Variants in GAS7 observed in about 807,000 individuals in gnomAD.
GAS7 encodes the protein growth arrest-specific protein 7.
Under a neutral mutation model 71.1 loss-of-function variants are expected in GAS7, and 28 were observed. That is an observed-to-expected ratio of 0.39 (90% confidence interval 0.29 to 0.54). The LOEUF (loss-of-function observed/expected upper bound fraction) is 0.54, where lower values mean the gene tolerates loss of function less well. Among genes scored for constraint, GAS7 ranks in the 20% least tolerant of loss-of-function variants. The probability of loss-of-function intolerance (pLI) is 0.62; values close to 1 mark genes in which losing one functional copy is unlikely to be tolerated. For synonymous variants in GAS7, 258 were observed against 245.8 expected (o/e 1.05, Z -0.46); for missense variants, 436 against 627.8 (o/e 0.69, Z 3.27).
At chr17:9,947,401 T>C (rs576281250) in intron 5 of GAS7, among the ~76,000 whole-genome samples, 22 of 152,250 alleles carry the variant, frequency 1.4e-4, no homozygotes, top group African/African-American at 4.6e-4. Flanking sequence ...AAGTATGAGA[T>C]AGACATCTAT....
Position 10,135,374 on chromosome 17 carries a change from G to C in GAS7, c.183+62834C>G, listed in dbSNP as rs912513172. Among the ~76,000 whole-genome samples, 15 of 152,262 alleles carry C rather than the reference G, an allele frequency of 9.9e-5. 2 individuals are homozygous for C. The highest frequency in any genetic ancestry group is 6.5e-4 in the Admixed American group (10 of 15,288). The stretch of plus-strand genomic sequence containing the variant: ...GCTGGGTGTCCAAGGCCCACCTCCA[G>C]AGTCAAGTCCCACCTTCTGCTTCAA... On this transcript the variant is annotated intron_variant, in intron 1 of 13. Transcript: ENST00000432992.
At position 9,972,170 on chromosome 17, in the gene GAS7, G is replaced by A. The variant is rs139500688; in HGVS notation, c.386-2408C>T. ...ACAACAAATCCACCCTGCAGGGCCA[G>A]CTACAAGCCTGGGCCACACCCACAT... On this transcript the variant is annotated intron_variant, in intron 3 of 13. Transcript: ENST00000432992. 9.8e-3 allele frequency among the ~76,000 whole-genome samples: 1,494 copies of A among 152,330 alleles called. 11 individuals are homozygous for A. The highest frequency in any genetic ancestry group is 0.027 in the Middle Eastern group (8 of 294).
chr17:10,186,625 C>T lies in GAS7; in HGVS notation c.183+11583G>A, dbSNP rs149066632. On this transcript the variant is annotated intron_variant, in intron 1 of 13. Coordinates refer to ENST00000432992, the MANE Select transcript of GAS7 (RefSeq NM_201433.2). ...TTCACCACATTGGCCAGGCTGGTCTCGAACTACTGACCTCAGATAATCCAC... is the reference window on the plus strand; with the variant it reads ...TTCACCACATTGGCCAGGCTGGTCTTGAACTACTGACCTCAGATAATCCAC... Among the ~76,000 whole-genome samples the T allele has an allele frequency of 2.6e-3, 394 of 152,130 alleles. 1 individual carries two copies. Among genetic ancestry groups the T allele is most frequent in the African/African-American group, 9.1e-3 (378 of 41,494 alleles).
At chr17:10,035,547 T>A (rs1305300443) in intron 1 of GAS7, among the ~76,000 whole-genome samples, 1 of 152,086 alleles carries the variant, frequency 6.6e-6, no homozygotes. Context: ...CATGCCAGAA[T>A]CAGAGATGCT....
At chr17:10,094,555 G>GC (rs2073621430) in intron 1 of GAS7, among the ~76,000 whole-genome samples, 1 of 151,510 alleles carries the variant, frequency 6.6e-6, no homozygotes, top group South Asian at 2.1e-4. Flanking sequence ...TGCAACCTCC[G>GC]CCTCCTGGAT....
intron 2 of GAS7, among the ~76,000 whole-genome samples, chr17:10,005,236 TGC>T (rs936081671): frequency 9.3e-6 from 1 of 107,488 alleles, no homozygotes; most frequent in Admixed American, 7.8e-5. Flanking sequence ...TATGTGTATG[TGC>T]GCGCATGCAT....
In GAS7 at chr17:9,912,668, C is replaced by T. The variant is rs143185466; in HGVS notation, c.*4560G>A. 86 of 232,778 alleles carry T rather than the reference C, an allele frequency of 3.7e-4. No homozygotes were observed. The highest frequency in any genetic ancestry group is 1.7e-3 in the African/African-American group (77 of 45,434). 14.4% of individuals were successfully genotyped at this position (232,778 alleles called of 1,614,324 possible). A position where few individuals can be genotyped will look rare whatever the true frequency, so the allele number is the denominator to read the frequency against. ...TTTCTGCACTACCAAAAACCCACCA[C>T]GCGCCAAAAGGCGAGTGTGAGCCCT... On this transcript the variant is annotated 3_prime_UTR_variant, in exon 14 of 14. Transcript: ENST00000432992.
intron 2 of GAS7, among the ~76,000 whole-genome samples, chr17:10,016,697 TG>T (rs2072032543): frequency 6.7e-6 from 1 of 148,742 alleles, no homozygotes; most frequent in South Asian, 2.1e-4. Flanking sequence ...GTAGATTACT[TG>T]AGGCCAAGAA....
chr17:10,048,925 G>T (rs8067422), intron 1 of GAS7, among the ~76,000 whole-genome samples: 20,098 of 152,220 alleles, frequency 0.13, 1,366 homozygotes, highest in East Asian at 0.17. Flanking sequence ...CTCATTGCGG[G>T]GGGGAAGATT....
intron 1 of GAS7, among the ~76,000 whole-genome samples, chr17:10,045,463 G>A (rs907305278): frequency 6.6e-6 from 1 of 152,138 alleles, no homozygotes; most frequent in East Asian, 1.9e-4. Flanking sequence ...TTGGGAGGCC[G>A]AGGCAGGTGG....
At position 9,959,521 on chromosome 17, in the gene GAS7, T is replaced by C. The variant is rs2069392964; in HGVS notation, c.472-266A>G. ...GCTCCAAACCAGGTCTCCCCTCCTC[T>C]TCTCTCAGTCTGTGATTTGGGGAGT... On this transcript the variant is annotated intron_variant, in intron 4 of 13. Coordinates refer to ENST00000432992, the MANE Select transcript of GAS7 (RefSeq NM_201433.2). The surrounding 1 kb of genome is among the most constrained non-coding windows in gnomAD (Gnocchi z 5.0). 10 of 1,214,700 alleles carry C rather than the reference T, an allele frequency of 8.2e-6. No homozygotes were observed. The highest frequency in any genetic ancestry group is 1.1e-5 in the Non-Finnish European group (10 of 929,002). 75.2% of individuals were successfully genotyped at this position (1,214,700 alleles called of 1,614,324 possible). A position where few individuals can be genotyped will look rare whatever the true frequency, so the allele number is the denominator to read the frequency against.
chr17:10,181,089 C>T (rs548668203), intron 1 of GAS7, among the ~76,000 whole-genome samples: 150 of 148,120 alleles, frequency 1.0e-3, no homozygotes, highest in East Asian at 6.0e-3. Context: ...GGTGGGGGCA[C>T]GGTGGCTCAC....
chr17:9,966,305 C>G (rs1012844596), intron 4 of GAS7, among the ~76,000 whole-genome samples: 4 of 151,984 alleles, frequency 2.6e-5, no homozygotes, highest in African/African-American at 4.8e-5. Context: ...CCCCCTCCCC[C>G]CAAAATTCTA....
intron 1 of GAS7, among the ~76,000 whole-genome samples, chr17:10,153,956 T>C (rs917184233): frequency 6.6e-6 from 1 of 152,188 alleles, no homozygotes; most frequent in Non-Finnish European, 1.5e-5. Flanking sequence ...TATGCACCTG[T>C]AGTCCCAGCT....
chr17:9,952,938 G>C (rs924959986), intron 5 of GAS7, among the ~76,000 whole-genome samples: 1 of 152,060 alleles, frequency 6.6e-6, no homozygotes, highest in Non-Finnish European at 1.5e-5. Context: ...GCAATGTGGT[G>C]ATTCCTCAAA....
intron 1 of GAS7, among the ~76,000 whole-genome samples, chr17:10,144,608 A>G (rs1400668170): frequency 6.6e-6 from 1 of 152,160 alleles, no homozygotes; most frequent in Non-Finnish European, 1.5e-5. Flanking sequence ...CAGTGGCGCA[A>G]TCACGGCTCA....
intron 2 of GAS7, among the ~76,000 whole-genome samples, chr17:9,982,450 C>T (rs940720493): frequency 6.6e-6 from 1 of 152,190 alleles, no homozygotes; most frequent in Non-Finnish European, 1.5e-5. Flanking sequence ...GGTCACCTCT[C>T]TCTCTTCCAA....
At chr17:10,136,183 G>C (rs952709022) in intron 1 of GAS7, among the ~76,000 whole-genome samples, 1 of 152,190 alleles carries the variant, frequency 6.6e-6, no homozygotes, top group Admixed American at 6.5e-5. Flanking sequence ...AGGCCAACTT[G>C]CTCATCTTCC....
intron 1 of GAS7, among the ~76,000 whole-genome samples, chr17:10,045,315 G>A (rs149060551): frequency 3.0e-4 from 46 of 152,320 alleles, no homozygotes; most frequent in South Asian, 1.2e-3. Context: ...GAGGGCTCCC[G>A]TGAGGTGACT....
Sources: gnomAD v4.1 joint callset for allele counts (sites outside exome capture counted in the v4.1 genomes callset) on GRCh38, gnomAD v4.1.1 for gene constraint, Gnocchi (gnomAD v3.1) non-coding constraint, MANE v1.5 for transcripts, NCBI Gene and HGNC (gene_info 2026-07-23, HGNC 2026-07-21) for gene names.